The following PCDHGA2 variants were observed in gnomAD, a reference collection of about 807,000 sequenced individuals.
The protein encoded by PCDHGA2 is protocadherin gamma-A2.
A neutral mutation model predicts 59.2 loss-of-function variants in PCDHGA2; 40 were observed. That is an observed-to-expected ratio of 0.68 (90% CI 0.52 to 0.88). PCDHGA2 has a LOEUF of 0.88. Ranked by LOEUF, PCDHGA2 falls within the 40% of genes least tolerant of loss-of-function variation. PCDHGA2 has a pLI of 0.00. For synonymous variants in PCDHGA2, 560 were observed against 526.0 expected (o/e 1.06, Z -0.89); for missense variants, 1,226 against 1,204.0 (o/e 1.02, Z -0.27).
At chr5:141,475,764 C>T (rs2154573514) in intron 1 of PCDHGA2, among the ~76,000 whole-genome samples, 1 of 152,380 alleles carries the variant, frequency 6.6e-6, no homozygotes, top group South Asian at 2.1e-4. Flanking sequence ...CCGATACTGG[C>T]AAGGCGCTTT....
chr5:141,369,855 C>T (rs904166115), intron 1 of PCDHGA2, among the ~76,000 whole-genome samples: 4 of 152,098 alleles, frequency 2.6e-5, no homozygotes, highest in African/African-American at 7.2e-5. Context: ...TTTTATTTGG[C>T]CCTCATTTCT....
chr5:141,351,538 A>G, intron 1 of PCDHGA2: 1 of 1,614,006 alleles, frequency 6.2e-7, no homozygotes, highest in Non-Finnish European at 8.5e-7. Flanking sequence ...AGGGCAAACC[A>G]GCCCTTTCCT....
rs766182165 is a variant in PCDHGA2 at position 141,478,048 on chromosome 5, C to T, written c.2425-16759C>T. ...ACACAGATTCACCCAGGCAGACTCT[C>T]ACGGTCTTGATCAAAGACAATGGGG... On this transcript the variant is annotated intron_variant, in intron 1 of 3. Transcript: ENST00000394576. 5.6e-6 allele frequency: 9 copies of T among 1,614,040 alleles called. No homozygotes were observed. In the Admixed American group the frequency reaches 1.0e-4, roughly 18 times the overall value.
At chr5:141,427,818 G>A (rs1356936077) in intron 1 of PCDHGA2, 3 of 1,530,644 alleles carry the variant, frequency 2.0e-6, no homozygotes, top group Non-Finnish European at 2.7e-6. Context: ...GAGCGGGGTG[G>A]TGGTCGCGCA....
At chr5:141,366,039 A>G (rs781015607) in intron 1 of PCDHGA2, 15 of 1,614,136 alleles carry the variant, frequency 9.3e-6, no homozygotes, top group Non-Finnish European at 1.2e-5. Context: ...CTCCCCACAG[A>G]CGGTTCCACG....
Position 141,486,487 on chromosome 5 carries a change from C to G in PCDHGA2, c.2425-8320C>G. The G allele has an allele frequency of 6.2e-7, 1 of 1,614,086 alleles. No homozygotes were observed. The highest frequency in any genetic ancestry group is 1.1e-5 in the South Asian group (1 of 91,074). ...CTGGGAACCCTCCTCTCAGTACCCA[C>G]AGAACTATTTTCCTCAATATTTCAG... On this transcript the variant is annotated intron_variant, in intron 1 of 3. Coordinates refer to ENST00000394576, the MANE Select transcript of PCDHGA2 (RefSeq NM_018915.4). This position sits in a 1 kb window ranked among gnomAD's most constrained non-coding sequence, Gnocchi z 5.0.
At chr5:141,414,748 G>A in intron 1 of PCDHGA2, 5 of 1,614,182 alleles carry the variant, frequency 3.1e-6, no homozygotes, top group Non-Finnish European at 4.2e-6. Context: ...CAGATCCTTC[G>A]ACTATGAGCA....
rs1385408442 is a variant in PCDHGA2 at position 141,487,321 on chromosome 5, T to A, written c.2425-7486T>A. 1 of 1,614,198 alleles carries A rather than the reference T, an allele frequency of 6.2e-7. No homozygotes were observed. The highest frequency in any genetic ancestry group is 1.7e-5 in the Admixed American group (1 of 60,032). ...TCGTGGCACTACTCTCTAAGTGTCT[T>A]CGTGGGGCAGCCTGTGGAGTCACAT... is the stretch of plus-strand genomic sequence containing the variant. On this transcript the variant is annotated intron_variant, in intron 1 of 3. Transcript: ENST00000394576. This position sits in a 1 kb window ranked among gnomAD's most constrained non-coding sequence, Gnocchi z 5.0.
At chr5:141,370,552 A>T in intron 1 of PCDHGA2, 2 of 1,613,806 alleles carry the variant, frequency 1.2e-6, no homozygotes, top group Non-Finnish European at 1.7e-6. Context: ...CTCGCCAAGG[A>T]CCTGGGGTTT....
chr5:141,351,350 C>T lies in PCDHGA2; in HGVS notation c.2424+9955C>T, dbSNP rs868438981. On this transcript the variant is annotated intron_variant, in intron 1 of 3. Transcript: ENST00000394576. ...TTCAGACCTTGGAACTGTAATAGCC[C>T]TCATAAAAGTGCGAGACAAGGATTC... is the stretch of plus-strand genomic sequence containing the variant. 5.6e-6 allele frequency: 9 copies of T among 1,613,300 alleles called. No individual in the cohort carries two copies. The highest frequency in any genetic ancestry group is 5.3e-5 in the African/African-American group (4 of 75,036).
At position 141,418,573 on chromosome 5, in the gene PCDHGA2, C is replaced by A. The variant is rs749104686; in HGVS notation, c.2425-76234C>A. 5.0e-6 allele frequency: 8 copies of A among 1,613,826 alleles called. No individual in the cohort carries two copies. The South Asian group carries it at 5.5e-5, about 11-fold the overall frequency. Reference sequence around the variant, plus strand: ...TCCTGGTAATAGATGCCAATGACAACCCCCCAGTGTTCAGCCAGGACGTGT... The same window carrying A: ...TCCTGGTAATAGATGCCAATGACAAACCCCCAGTGTTCAGCCAGGACGTGT... On this transcript the variant is annotated intron_variant, in intron 1 of 3. Transcript: ENST00000394576.
At chr5:141,375,093 T>G (rs1394979484) in intron 1 of PCDHGA2, 18 of 1,613,962 alleles carry the variant, frequency 1.1e-5, no homozygotes, top group Non-Finnish European at 1.4e-5. Flanking sequence ...TTAATAACTA[T>G]CTTGGATGTC....
At chr5:141,427,999 T>C (rs1319115693) in intron 1 of PCDHGA2, 9 of 1,601,068 alleles carry the variant, frequency 5.6e-6, no homozygotes, top group African/African-American at 1.3e-5. Context: ...GGCTCCGCAC[T>C]CTTCGATATA....
intron 3 of PCDHGA2, 154 bp from the exon 4 acceptor site, chr5:141,510,793 G>GAGA: frequency 1.1e-6 from 1 of 935,078 alleles, no homozygotes; most frequent in Non-Finnish European, 1.3e-6. Context: ...CTCTTGTGAA[G>GAGA]AGAGACTACC....
At chr5:141,375,593 T>A (rs922478028) in intron 1 of PCDHGA2, 5 of 1,614,142 alleles carry the variant, frequency 3.1e-6, no homozygotes, top group Non-Finnish European at 4.2e-6. Context: ...CCTGTCCTCC[T>A]ACGTGTCCAT....
intron 1 of PCDHGA2, among the ~76,000 whole-genome samples, chr5:141,437,331 A>G (rs2097876062): frequency 6.6e-6 from 1 of 152,244 alleles, no homozygotes; most frequent in Non-Finnish European, 1.5e-5. Context: ...TAAAATTTGT[A>G]GCTTCACTGT....
At chr5:141,412,936 A>T in intron 1 of PCDHGA2, 1 of 459,508 alleles carries the variant, frequency 2.2e-6, no homozygotes, top group African/African-American at 2.0e-5. Flanking sequence ...ACTTCTTAGG[A>T]CTCTGAGCGC....
At chr5:141,352,960 C>G (rs925936968) in intron 1 of PCDHGA2, among the ~76,000 whole-genome samples, 8 of 152,066 alleles carry the variant, frequency 5.3e-5, no homozygotes, top group Non-Finnish European at 1.2e-4. Context: ...TGCACTCCAG[C>G]CTGGGTGATG....
intron 1 of PCDHGA2, chr5:141,471,553 TG>T (rs1217142933): frequency 6.6e-6 from 1 of 152,224 alleles, no homozygotes; most frequent in African/African-American, 2.4e-5. Flanking sequence ...AAGGTTGCTT[TG>T]ACTCAGGGGT....
Sources: gnomAD v4.1 joint callset for allele counts (sites outside exome capture counted in the v4.1 genomes callset) on GRCh38, gnomAD v4.1.1 for gene constraint, Gnocchi (gnomAD v3.1) non-coding constraint, MANE v1.5 for transcripts, NCBI Gene and HGNC (gene_info 2026-07-23, HGNC 2026-07-21) for gene names.